Variants in ABCC4 observed in about 807,000 individuals in gnomAD.
The protein encoded by ABCC4 is ATP binding cassette subfamily C member 4 (PEL blood group).
A neutral mutation model predicts 168.5 loss-of-function variants in ABCC4; 102 were observed. The ratio of observed to expected loss-of-function variants is 0.61; its 90% CI spans 0.52 to 0.71. ABCC4 has a LOEUF of 0.71. ABCC4 is among the 30% of genes least tolerant of loss of function. The pLI is 0.00. For synonymous variants in ABCC4, 617 were observed against 590.7 expected (o/e 1.04, Z -0.65); for missense variants, 1,402 against 1,605.8 (o/e 0.87, Z 2.17).
intron 9 of ABCC4, 108 bp from the exon 10 acceptor site, chr13:95,188,650 A>C: frequency 1.2e-6 from 1 of 818,356 alleles, no homozygotes. Flanking sequence ...ACATAACCCA[A>C]ATCTTTCTCC....
chr13:95,194,994 A>T, intron 8 of ABCC4, 57 bp from the exon 9 acceptor site: 1 of 1,403,060 alleles, frequency 7.1e-7, no homozygotes. Context: ...AAGCACAAAC[A>T]AAAGTCACTG....
rs779130429 is a variant in ABCC4, at chr13:95,210,742, T to C, written c.571A>G (p.Thr191Ala). Residue 191 changes from threonine (T) to alanine (A), a missense_variant, in exon 5 of 31, where the codon ACA becomes GCA. Thr to Ala is a moderately conservative substitution (Grantham distance 58, BLOSUM62 0). This residue lies in a region of ABCC4 where 317 missense variants were observed against 345.5 expected (regional missense o/e 0.92). Coordinates refer to ENST00000645237, the MANE Select transcript of ABCC4 (RefSeq NM_005845.5). Reference sequence around the variant, plus strand: ...GACAGCAGATTGACTATCTGGCCTGTGGTTGTCTTCCCCATGGCCATGTTA... The same window carrying C: ...GACAGCAGATTGACTATCTGGCCTGCGGTTGTCTTCCCCATGGCCATGTTA... The part of the protein sequence containing the change: ...LSNMAMGKTT[T>A]GQIVNLLSND... 5.0e-6 allele frequency: 8 copies of C among 1,614,166 alleles called. No homozygotes were observed. The highest frequency in any genetic ancestry group is 6.8e-6 in the Non-Finnish European group (8 of 1,180,004).
chr13:95,087,120 C>T (rs961977672), intron 20 of ABCC4, among the ~76,000 whole-genome samples: 1 of 150,270 alleles, frequency 6.7e-6, no homozygotes, highest in Non-Finnish European at 1.5e-5. Flanking sequence ...AAAAATTGCC[C>T]ACTAGTTTTT....
intron 19 of ABCC4, among the ~76,000 whole-genome samples, chr13:95,127,891 A>T (rs1359195213): frequency 6.6e-6 from 1 of 152,220 alleles, no homozygotes; most frequent in Non-Finnish European, 1.5e-5. Flanking sequence ...GTCACTGAAC[A>T]TGTTTAACAC....
At chr13:95,103,953 C>A (rs1301077924) in intron 20 of ABCC4, among the ~76,000 whole-genome samples, 1 of 152,128 alleles carries the variant, frequency 6.6e-6, no homozygotes. Flanking sequence ...TCCTTCTCCC[C>A]TACATGGCTC....
At chr13:95,062,507 C>G (rs1309939452) in intron 26 of ABCC4, among the ~76,000 whole-genome samples, 197 bp downstream of exon 26, 3 of 151,414 alleles carry the variant, frequency 2.0e-5, no homozygotes, top group Admixed American at 6.6e-5. Context: ...CACACACACA[C>G]AGAGAGAGAG....
rs115661588 is a variant in ABCC4, at chr13:95,197,841, C to T, written c.1162-2904G>A. ...TATTGGACTTGCTTAATGCCAAGACCATCAATCCTTTCCTTAATAAAAGAA... is the reference window on the plus strand; with the variant it reads ...TATTGGACTTGCTTAATGCCAAGACTATCAATCCTTTCCTTAATAAAAGAA... On this transcript the variant is annotated intron_variant, in intron 8 of 30. Transcript: ENST00000645237. Among the ~76,000 whole-genome samples the T allele has an allele frequency of 5.7e-3, 865 of 152,266 alleles. 7 individuals are homozygous for T. The highest frequency in any genetic ancestry group is 0.019 in the African/African-American group (802 of 41,546).
At chr13:95,131,022 G>A (rs2035940873) in intron 19 of ABCC4, among the ~76,000 whole-genome samples, 1 of 152,090 alleles carries the variant, frequency 6.6e-6, no homozygotes, top group Admixed American at 6.6e-5. Flanking sequence ...TCTGTGCAGT[G>A]GTGTTGGGCA....
intron 3 of ABCC4, among the ~76,000 whole-genome samples, chr13:95,236,920 C>T (rs1421177470): frequency 6.6e-6 from 1 of 152,172 alleles, no homozygotes; most frequent in Non-Finnish European, 1.5e-5. Context: ...TACACATGGG[C>T]AGCCCTGGCT....
chr13:95,042,003 G>A (rs1382083584), intron 29 of ABCC4, among the ~76,000 whole-genome samples: 2 of 152,210 alleles, frequency 1.3e-5, no homozygotes, highest in African/African-American at 4.8e-5. Context: ...CTCCTGTGAT[G>A]CCACTGATGA....
At chr13:95,114,289 A>G (rs929111926) in intron 20 of ABCC4, among the ~76,000 whole-genome samples, 1 of 152,194 alleles carries the variant, frequency 6.6e-6, no homozygotes, top group Non-Finnish European at 1.5e-5. Flanking sequence ...CTCTCCCTCC[A>G]TATGTGAGAC....
intron 20 of ABCC4, among the ~76,000 whole-genome samples, chr13:95,109,909 G>A (rs982259079): frequency 1.3e-5 from 2 of 152,096 alleles, no homozygotes; most frequent in Non-Finnish European, 2.9e-5. Flanking sequence ...TCAGGTGGAT[G>A]AAGATAAAGC....
At chr13:95,163,347 G>A in intron 17 of ABCC4, 131 bp from the exon 18 acceptor site, 1 of 689,950 alleles carries the variant, frequency 1.4e-6, no homozygotes, top group African/African-American at 1.8e-5. Context: ...ACTTAGTCTT[G>A]TGTATATCTA....
intron 1 of ABCC4, among the ~76,000 whole-genome samples, chr13:95,280,317 T>C (rs2041084717): frequency 6.7e-6 from 1 of 150,328 alleles, no homozygotes; most frequent in Admixed American, 6.7e-5. Flanking sequence ...CTCAGGAGGC[T>C]GAGGTAGGAG....
intron 19 of ABCC4, among the ~76,000 whole-genome samples, chr13:95,159,297 TA>T (rs1235593930): frequency 6.6e-6 from 1 of 151,444 alleles, no homozygotes; most frequent in African/African-American, 2.4e-5. Context: ...CATCTACCAC[TA>T]AAAAAAGTAA....
intron 20 of ABCC4, among the ~76,000 whole-genome samples, chr13:95,112,248 G>A (rs2035228610): frequency 6.6e-6 from 1 of 151,890 alleles, no homozygotes. Flanking sequence ...AGCTACTCAG[G>A]AGGCTGAGGC....
chr13:95,160,069 A>G (rs2037042150), intron 19 of ABCC4, among the ~76,000 whole-genome samples: 1 of 147,074 alleles, frequency 6.8e-6, no homozygotes, highest in South Asian at 2.1e-4. Flanking sequence ...GAAAACTGTG[A>G]CACAGAAAAA....
At chr13:95,285,337 G>A (rs1378056895) in intron 1 of ABCC4, among the ~76,000 whole-genome samples, 4 of 151,956 alleles carry the variant, frequency 2.6e-5, no homozygotes, top group Admixed American at 6.6e-5. Flanking sequence ...GATCACTTGA[G>A]GACAGGAGTT....
At chr13:95,240,149 G>A (rs1279388203) in intron 3 of ABCC4, among the ~76,000 whole-genome samples, 1 of 152,190 alleles carries the variant, frequency 6.6e-6, no homozygotes, top group Non-Finnish European at 1.5e-5. Context: ...CAGCATGCAA[G>A]GATGTAGAGG....
Sources: gnomAD v4.1 joint callset for allele counts (sites outside exome capture counted in the v4.1 genomes callset) on GRCh38, gnomAD v4.1.1 for gene constraint, gnomAD v4.1.1 regional missense constraint, MANE v1.5 for transcripts, NCBI Gene and HGNC (gene_info 2026-07-23, HGNC 2026-07-21) for gene names.